The following PPM1E variants were observed in gnomAD, a reference collection of about 807,000 sequenced individuals.
PPM1E encodes protein phosphatase 1E.
Under a neutral mutation model 65.9 loss-of-function variants are expected in PPM1E, and 20 were observed. The ratio of observed to expected loss-of-function variants is 0.30; its 90% CI spans 0.21 to 0.44. The LOEUF is 0.44. Among genes scored for constraint, PPM1E ranks in the 20% least tolerant of loss-of-function variants. The pLI is 1.00. For synonymous variants in PPM1E, 352 were observed against 374.9 expected, an observed-to-expected ratio of 0.94 and a Z score of 0.70; for missense variants, 713 against 953.1, an observed-to-expected ratio of 0.75 and a Z score of 3.32.
At chr17:58,805,956 A>C (rs2050302149) in intron 1 of PPM1E, among the ~76,000 whole-genome samples, 1 of 101,996 alleles carries the variant, frequency 9.8e-6, no homozygotes, top group African/African-American at 4.8e-5. Flanking sequence ...TGCTAAAAAA[A>C]AAAACAAAAA....
intron 1 of PPM1E, among the ~76,000 whole-genome samples, chr17:58,920,607 A>C (rs1489072254): frequency 6.6e-6 from 1 of 152,210 alleles, no homozygotes; most frequent in African/African-American, 2.4e-5. Flanking sequence ...TTGTTGAAAT[A>C]AGGAAGTTTA....
intron 2 of PPM1E, among the ~76,000 whole-genome samples, chr17:58,956,007 C>A (rs1264692982): frequency 1.3e-5 from 2 of 151,922 alleles, no homozygotes; most frequent in African/African-American, 4.8e-5. Context: ...GTAACTGGAG[C>A]AACAGGAGAT....
rs1309948461 is a variant in PPM1E, at chr17:58,980,263, A to G, written c.1500A>G (p.Glu500=). ...ACAAAGCTGTAAATGTTAGTGAGGA[A>G]TCAGATTGGACAGAGAACTCTTTTC... ...DMNKAVNVSE[E]SDWTENSFQG... The change falls in exon 7 of 7, where the codon GAA becomes GAG. Residue 500 remains glutamate, a synonymous_variant. Coordinates refer to ENST00000308249, the MANE Select transcript of PPM1E (RefSeq NM_014906.5). This position sits in a 1 kb window ranked among gnomAD's most constrained non-coding sequence, Gnocchi z 4.7. The G allele has an allele frequency of 6.2e-7, 1 of 1,614,216 alleles. No homozygotes were observed. Among genetic ancestry groups the G allele is most frequent in the South Asian group, 1.1e-5 (1 of 91,090 alleles).
chr17:58,930,996 C>A (rs1490683388), intron 1 of PPM1E, among the ~76,000 whole-genome samples: 1 of 149,266 alleles, frequency 6.7e-6, no homozygotes, highest in Non-Finnish European at 1.5e-5. Context: ...GGTGGATCAC[C>A]TGAGGTCAGG....
At chr17:58,790,803 G>A (rs2050150116) in intron 1 of PPM1E, among the ~76,000 whole-genome samples, 1 of 152,098 alleles carries the variant, frequency 6.6e-6, no homozygotes, top group Non-Finnish European at 1.5e-5. Flanking sequence ...ATGACTTCAT[G>A]CCCCCTACTG....
chr17:58,917,226 A>G (rs1480772367), intron 1 of PPM1E, among the ~76,000 whole-genome samples: 1 of 152,084 alleles, frequency 6.6e-6, no homozygotes, highest in East Asian at 1.9e-4. Flanking sequence ...AAGAAAAAAA[A>G]AAAAAACTAT....
At chr17:58,807,916 G>A (rs968019066) in intron 1 of PPM1E, among the ~76,000 whole-genome samples, 3 of 152,168 alleles carry the variant, frequency 2.0e-5, no homozygotes, top group South Asian at 2.1e-4. Context: ...GTAAAGGAAC[G>A]TGAACCCTCA....
At chr17:58,889,925 C>G (rs1024013122) in intron 1 of PPM1E, among the ~76,000 whole-genome samples, 8 of 152,146 alleles carry the variant, frequency 5.3e-5, no homozygotes, top group African/African-American at 1.9e-4. Flanking sequence ...AGGTAATATG[C>G]TATGTGTATC....
chr17:58,756,279 G>C lies in PPM1E; in HGVS notation c.282G>C (p.Glu94Asp), dbSNP rs1165316336. 6.5e-7 allele frequency: 1 copy of C among 1,545,988 alleles called. No homozygotes were observed. The highest frequency in any genetic ancestry group is 1.4e-5 in the African/African-American group (1 of 72,820). ...AGCCCGAGGAGGAGGCGGCGGTTGAGGGTGAGGAGGAGGAGGAGGGCGCGG... is the reference window on the plus strand; with the variant it reads ...AGCCCGAGGAGGAGGCGGCGGTTGACGGTGAGGAGGAGGAGGAGGGCGCGG... ...DPEPEEEAAV[E>D]GEEEEEGAAT... The change falls in exon 1 of 7, where the codon GAG (glutamate) becomes GAC (aspartate). Residue 94 changes from glutamate to aspartate, a missense_variant. Physicochemically the swap from Glu to Asp is conservative, Grantham distance 45. This residue lies in a region of PPM1E where 212 missense variants were observed against 204.0 expected (regional missense o/e 1.04). Coordinates refer to ENST00000308249, the MANE Select transcript of PPM1E (RefSeq NM_014906.5).
chr17:58,859,874 G>A (rs974085033), intron 1 of PPM1E, among the ~76,000 whole-genome samples: 1 of 152,212 alleles, frequency 6.6e-6, no homozygotes, highest in Non-Finnish European at 1.5e-5. Flanking sequence ...TTTCATATCA[G>A]CCGTTAATTT....
intron 1 of PPM1E, among the ~76,000 whole-genome samples, chr17:58,844,093 T>C (rs1313246180): frequency 6.6e-6 from 1 of 152,190 alleles, no homozygotes; most frequent in Non-Finnish European, 1.5e-5. Context: ...TAGTACTATT[T>C]TTTGAGAAAT....
chr17:58,957,125 C>T (rs1465441197), intron 2 of PPM1E, among the ~76,000 whole-genome samples: 2 of 152,158 alleles, frequency 1.3e-5, no homozygotes, highest in Non-Finnish European at 2.9e-5. Flanking sequence ...TCACTCCAGC[C>T]AGGGTAATGG....
intron 1 of PPM1E, among the ~76,000 whole-genome samples, chr17:58,792,368 T>A (rs1048527475): frequency 6.6e-6 from 1 of 151,662 alleles, no homozygotes; most frequent in Non-Finnish European, 1.5e-5. Context: ...TGAGACAGAG[T>A]CTGACTCTGC....
chr17:58,917,991 C>G (rs2051704697), intron 1 of PPM1E, among the ~76,000 whole-genome samples: 1 of 152,154 alleles, frequency 6.6e-6, no homozygotes, highest in African/African-American at 2.4e-5. Context: ...AATAGTTTCT[C>G]AGATCTTTCT....
intron 6 of PPM1E, among the ~76,000 whole-genome samples, chr17:58,977,742 T>C (rs2031101895): frequency 6.6e-6 from 1 of 152,128 alleles, no homozygotes; most frequent in Non-Finnish European, 1.5e-5. Context: ...TGTTAAATGT[T>C]GGAAAGAAAC....
intron 1 of PPM1E, among the ~76,000 whole-genome samples, chr17:58,931,077 A>AG (rs1489070321): frequency 1.8e-4 from 26 of 144,188 alleles, no homozygotes; most frequent in African/African-American, 6.2e-4. Flanking sequence ...AAAAAAAAAA[A>AG]AAAAAAAAAG....
intron 1 of PPM1E, among the ~76,000 whole-genome samples, chr17:58,806,289 C>T (rs954815327): frequency 4.0e-5 from 6 of 151,434 alleles, no homozygotes; most frequent in African/African-American, 1.5e-4. Context: ...TCTATTATTA[C>T]CTATCATTTT....
At chr17:58,876,491 A>T (rs917150448) in intron 1 of PPM1E, among the ~76,000 whole-genome samples, 5 of 152,174 alleles carry the variant, frequency 3.3e-5, no homozygotes, top group African/African-American at 1.2e-4. Flanking sequence ...TTATAATGAC[A>T]TAAAGATTTA....
chr17:58,870,391 G>T (rs2051056035), intron 1 of PPM1E, among the ~76,000 whole-genome samples: 1 of 152,058 alleles, frequency 6.6e-6, no homozygotes, highest in Non-Finnish European at 1.5e-5. Flanking sequence ...TTGTTATATG[G>T]GTATATTGTG....
Sources: allele counts gnomAD v4.1 joint callset (sites outside exome capture counted in the v4.1 genomes callset), GRCh38; gene constraint gnomAD v4.1.1; regional missense constraint gnomAD v4.1.1; non-coding constraint Gnocchi (gnomAD v3.1); transcripts MANE v1.5; gene names NCBI Gene and HGNC (gene_info 2026-07-23, HGNC 2026-07-21).